The following BABAM2 variants were observed in gnomAD, a reference collection of about 807,000 sequenced individuals.
BABAM2 encodes the protein BRISC and BRCA1 A complex member 2.
A neutral mutation model predicts 54.7 loss-of-function variants in BABAM2; 31 were observed. The observed-to-expected ratio is 0.57, with a 90% CI of 0.43 to 0.77. BABAM2 has a LOEUF of 0.77. BABAM2 is among the 30% of genes least tolerant of loss of function. The pLI is 0.00. For missense variants in BABAM2, 364 were observed against 455.8 expected (o/e 0.80, Z 1.83); for synonymous variants, 167 against 162.9 (o/e 1.03, Z -0.19).
chr2:27,998,003 A>T (rs897508200), intron 4 of BABAM2, among the ~76,000 whole-genome samples: 1 of 152,042 alleles, frequency 6.6e-6, no homozygotes, highest in African/African-American at 2.4e-5. Context: ...AAATACAAAA[A>T]TTAGCTGGGC....
chr2:27,964,688 A>G (rs760255418), intron 3 of BABAM2, among the ~76,000 whole-genome samples: 2 of 152,222 alleles, frequency 1.3e-5, no homozygotes. Context: ...GAAGAAGCTA[A>G]GAGTGCTGGT....
chr2:28,296,491 A>G (rs1315107369), intron 10 of BABAM2, among the ~76,000 whole-genome samples: 1 of 151,656 alleles, frequency 6.6e-6, no homozygotes, highest in African/African-American at 2.4e-5. Flanking sequence ...AGTCAAGTGC[A>G]CTCCGAGTCT....
chr2:28,304,427 C>G lies in BABAM2; in HGVS notation c.1088+5936C>G, dbSNP rs542919765. Among the ~76,000 whole-genome samples the G allele has an allele frequency of 6.7e-6, 1 of 150,090 alleles. No homozygotes were observed. The highest frequency in any genetic ancestry group is 1.5e-5 in the Non-Finnish European group (1 of 67,492). On this transcript the variant is annotated intron_variant, in intron 11 of 11. Transcript: ENST00000379624. This position sits in a 1 kb window ranked among gnomAD's most constrained non-coding sequence, Gnocchi z 4.0. ...ATTTATAAATATATAAAAATATAAA[C>G]AAAATTTTTAAAAATTTATTTTCTA...
intron 7 of BABAM2, among the ~76,000 whole-genome samples, chr2:28,169,035 C>T (rs529273238): frequency 2.6e-5 from 4 of 152,242 alleles, no homozygotes; most frequent in African/African-American, 9.6e-5. Flanking sequence ...TGTGTTATCC[C>T]ACTACTCATG....
intron 11 of BABAM2, chr2:28,310,141 C>A: frequency 6.2e-7 from 1 of 1,614,080 alleles, no homozygotes; most frequent in Non-Finnish European, 8.5e-7. Context: ...GGCATCCTCT[C>A]CAAATTGCAT....
At chr2:28,255,276 A>G (rs546022071) in intron 10 of BABAM2, among the ~76,000 whole-genome samples, 106 of 152,190 alleles carry the variant, frequency 7.0e-4, no homozygotes, top group Non-Finnish European at 1.3e-3. Context: ...AATCTGAGCC[A>G]TTCCGTCTTT....
chr2:28,309,925 G>C, intron 11 of BABAM2: 3 of 696,990 alleles, frequency 4.3e-6, no homozygotes, highest in Non-Finnish European at 7.3e-6. Context: ...CATTCCGCAC[G>C]AGCAAGCTCA....
chr2:28,192,463 A>C (rs1052132961), intron 7 of BABAM2, among the ~76,000 whole-genome samples: 6 of 151,296 alleles, frequency 4.0e-5, no homozygotes, highest in East Asian at 1.9e-4. Flanking sequence ...AAAATAGAGA[A>C]GCTAATGCAG....
At chr2:28,203,229 G>C (rs1678468278) in intron 7 of BABAM2, among the ~76,000 whole-genome samples, 2 of 152,110 alleles carry the variant, frequency 1.3e-5, no homozygotes, top group Admixed American at 6.5e-5. Context: ...AATTAATTCT[G>C]TAAGAAAAGG....
intron 10 of BABAM2, among the ~76,000 whole-genome samples, chr2:28,260,354 T>A (rs1684392254): frequency 6.7e-6 from 1 of 148,292 alleles, no homozygotes; most frequent in Non-Finnish European, 1.5e-5. Context: ...CAGGTTGGAG[T>A]GCAGTGGCAC....
At position 28,244,806 on chromosome 2, in the gene BABAM2, G is replaced by T; in HGVS notation, c.878G>T (p.Gly293Val). 6.2e-7 allele frequency: 1 copy of T among 1,613,880 alleles called. No homozygotes were observed. The highest frequency in any genetic ancestry group is 8.5e-7 in the Non-Finnish European group (1 of 1,179,938). The part of the protein sequence containing the change: ...GTGVVEYDAE[G>V]FTKLTLLLMW... ...GGTGTCGTGGAATATGATGCAGAAG[G>T]CTTTACAAAACTCACTCTGCTGCTG... Residue 293 changes from glycine (G) to valine (V), a missense_variant, in exon 10 of 12, where the codon GGC becomes GTC. Physicochemically the swap from Gly to Val is moderately radical, Grantham distance 109. Transcript: ENST00000379624.
intron 7 of BABAM2, among the ~76,000 whole-genome samples, chr2:28,189,309 G>C (rs1676653698): frequency 6.6e-6 from 1 of 152,190 alleles, no homozygotes; most frequent in Non-Finnish European, 1.5e-5. Flanking sequence ...TTGCAATTTA[G>C]TTGGGTAGAT....
chr2:28,170,843 G>A (rs1049178463), intron 7 of BABAM2, among the ~76,000 whole-genome samples: 6 of 152,038 alleles, frequency 3.9e-5, no homozygotes, highest in Admixed American at 6.6e-5. Context: ...ATCTTATAAC[G>A]TTTTTTAAAG....
At chr2:28,036,887 G>A (rs1558676665) in intron 5 of BABAM2, among the ~76,000 whole-genome samples, 1 of 152,126 alleles carries the variant, frequency 6.6e-6, no homozygotes, top group Non-Finnish European at 1.5e-5. Flanking sequence ...TTAATTGCCA[G>A]TCTAGTCAAA....
upstream of BABAM2, among the ~76,000 whole-genome samples, chr2:27,889,779 TATTTTATACA>T (rs1664670701): frequency 2.6e-5 from 4 of 152,346 alleles, no homozygotes; most frequent in South Asian, 8.3e-4. Context: ...CTCAACTCAT[TATTTTATACA>T]ATAAGCTCAG....
At chr2:28,330,222 TATC>T (rs1690832568) in intron 11 of BABAM2, among the ~76,000 whole-genome samples, 2 of 152,052 alleles carry the variant, frequency 1.3e-5, no homozygotes, top group South Asian at 4.1e-4. Flanking sequence ...CCACAGCCAA[TATC>T]ATACCGAACA....
intron 7 of BABAM2, among the ~76,000 whole-genome samples, chr2:28,181,794 T>TA (rs1349037134): frequency 2.8e-4 from 42 of 149,578 alleles, no homozygotes; most frequent in Middle Eastern, 3.4e-3. Flanking sequence ...ATTTTTTTTT[T>TA]AAAAAAAAAA....
At chr2:28,067,255 C>T (rs1663687445) in intron 6 of BABAM2, among the ~76,000 whole-genome samples, 1 of 152,156 alleles carries the variant, frequency 6.6e-6, no homozygotes, top group African/African-American at 2.4e-5. Flanking sequence ...TTTAAAACCA[C>T]ACAGGTATTA....
At chr2:27,983,780 G>A (rs1366556139) in intron 3 of BABAM2, among the ~76,000 whole-genome samples, 4 of 151,726 alleles carry the variant, frequency 2.6e-5, no homozygotes, top group East Asian at 1.9e-4. Flanking sequence ...ACAGAAATGC[G>A]GTTGATTTTT....
Sources: gnomAD v4.1 joint callset for allele counts (sites outside exome capture counted in the v4.1 genomes callset) on GRCh38, gnomAD v4.1.1 for gene constraint, Gnocchi (gnomAD v3.1) non-coding constraint, MANE v1.5 for transcripts, NCBI Gene and HGNC (gene_info 2026-07-23, HGNC 2026-07-21) for gene names.